Variants in ADAM12 observed in about 807,000 individuals in gnomAD.
ADAM12 encodes ADAM metallopeptidase domain 12, also known as disintegrin and metalloproteinase domain-containing protein 12.
ADAM12 carries 70 observed loss-of-function variants against 106.4 expected under a neutral mutation model. The observed-to-expected ratio is 0.66, with a 90% CI of 0.54 to 0.80. ADAM12 has a LOEUF of 0.80. Among genes scored for constraint, ADAM12 ranks in the 30% least tolerant of loss-of-function variants. The pLI, the probability that ADAM12 is intolerant of heterozygous loss-of-function variation, is 0.00. For synonymous variants in ADAM12, 420 were observed against 433.5 expected (o/e 0.97, Z 0.39); for missense variants, 1,010 against 1,171.9 (o/e 0.86, Z 2.02).
At chr10:126,254,103 C>CAGCT (rs1958841291) in intron 3 of ADAM12, among the ~76,000 whole-genome samples, 1 of 152,208 alleles carries the variant, frequency 6.6e-6, no homozygotes, top group African/African-American at 2.4e-5. Flanking sequence ...TCCATCTTCC[C>CAGCT]AGCTCATCCC....
intron 3 of ADAM12, among the ~76,000 whole-genome samples, chr10:126,168,276 A>T (rs5024597): frequency 0.099 from 14,986 of 152,120 alleles, 2,118 homozygotes; most frequent in African/African-American, 0.31. Flanking sequence ...AGAAGACCAA[A>T]CTACCTTCAA....
At chr10:126,163,937 T>C (rs1956980636) in intron 3 of ADAM12, among the ~76,000 whole-genome samples, 1 of 152,228 alleles carries the variant, frequency 6.6e-6, no homozygotes, top group Non-Finnish European at 1.5e-5. Flanking sequence ...GTTGGATCAA[T>C]TAAAAATAAA....
At chr10:126,283,372 CAT>C (rs1207027324) in intron 2 of ADAM12, among the ~76,000 whole-genome samples, 1 of 152,164 alleles carries the variant, frequency 6.6e-6, no homozygotes, top group African/African-American at 2.4e-5. Context: ...GTAGTTTGCA[CAT>C]GTTTGACTCT....
At chr10:126,355,136 T>C (rs996885006) in intron 1 of ADAM12, among the ~76,000 whole-genome samples, 8 of 152,230 alleles carry the variant, frequency 5.3e-5, no homozygotes, top group African/African-American at 1.9e-4. Context: ...TAACTGCTTT[T>C]ATTATCAAGA....
intron 11 of ADAM12, among the ~76,000 whole-genome samples, chr10:126,078,337 C>T (rs7914844): frequency 0.17 from 25,217 of 152,054 alleles, 2,686 homozygotes; most frequent in South Asian, 0.27. Flanking sequence ...AACCTGGTCC[C>T]ATGCCCCCCT....
chr10:126,255,931 C>T (rs995413192), intron 3 of ADAM12, among the ~76,000 whole-genome samples: 10 of 152,148 alleles, frequency 6.6e-5, no homozygotes, highest in African/African-American at 2.4e-4. Flanking sequence ...GCATCAGGAA[C>T]GGTGCAGGGA....
intron 2 of ADAM12, among the ~76,000 whole-genome samples, chr10:126,296,907 C>T (rs1960407728): frequency 6.6e-6 from 1 of 152,186 alleles, no homozygotes; most frequent in African/African-American, 2.4e-5. Flanking sequence ...CAGTTCCAAC[C>T]TGTTGAGGAC....
At chr10:126,348,459 G>A (rs1473189563) in intron 1 of ADAM12, among the ~76,000 whole-genome samples, 5 of 152,086 alleles carry the variant, frequency 3.3e-5, no homozygotes, top group South Asian at 2.1e-4. Flanking sequence ...ATGCCTTTCC[G>A]AGTTATGCCC....
intron 3 of ADAM12, among the ~76,000 whole-genome samples, chr10:126,221,570 T>C (rs1051199000): frequency 2.6e-5 from 4 of 152,182 alleles, no homozygotes; most frequent in East Asian, 1.9e-4. Context: ...TATTATAACA[T>C]GTGGACAAGG....
rs140761423 is a variant in ADAM12, at chr10:126,047,190, G to GA, written c.1918-1059dup. Among the ~76,000 whole-genome samples, 631 of 152,264 alleles carry GA rather than the reference G, an allele frequency of 4.1e-3. 3 individuals are homozygous for GA. The highest frequency in any genetic ancestry group is 0.015 in the African/African-American group (603 of 41,558). On this transcript the variant is annotated intron_variant, in intron 16 of 22. Coordinates refer to ENST00000448723, the MANE Select transcript of ADAM12 (RefSeq NM_001288973.2). ...ATTTTACAAATCCGTGGAGTCAAAG[G>GA]AAAAAGAGTCTAACGTTCAAATGGC... is the stretch of plus-strand genomic sequence containing the variant.
At chr10:126,202,596 C>T (rs1194214725) in intron 3 of ADAM12, among the ~76,000 whole-genome samples, 1 of 152,122 alleles carries the variant, frequency 6.6e-6, no homozygotes, top group Non-Finnish European at 1.5e-5. Context: ...TTTTTAAAAA[C>T]TTTCTCTCAA....
intron 2 of ADAM12, among the ~76,000 whole-genome samples, chr10:126,285,781 T>C (rs1185300156): frequency 3.9e-5 from 6 of 152,248 alleles, no homozygotes; most frequent in Non-Finnish European, 7.4e-5. Flanking sequence ...CCCCTTGAGA[T>C]GGCAAGCCCA....
At chr10:126,332,772 T>C (rs1028087295) in intron 1 of ADAM12, among the ~76,000 whole-genome samples, 1 of 151,978 alleles carries the variant, frequency 6.6e-6, no homozygotes. Context: ...TCACATGATG[T>C]GTGAGGGACG....
At chr10:126,264,251 G>T (rs758928909) in intron 3 of ADAM12, among the ~76,000 whole-genome samples, 1 of 152,202 alleles carries the variant, frequency 6.6e-6, no homozygotes, top group African/African-American at 2.4e-5. Context: ...GACACAGCAC[G>T]AGAGGCTTCT....
rs148189912 is a variant in ADAM12, at chr10:126,036,291, A to G, written c.2384T>C (p.Val795Ala). 3.8e-6 allele frequency: 6 copies of G among 1,563,674 alleles called. No homozygotes were observed. Among genetic ancestry groups the G allele is most frequent in the South Asian group, 1.2e-5 (1 of 82,362 alleles). Residue 795 changes from valine (V) to alanine (A), a missense_variant, in exon 21 of 23, where the codon GTT becomes GCT. By Grantham distance (64) the Val-to-Ala change is moderately conservative. Transcript: ENST00000448723. ...NPRRLLQCQNVDISRPLNGLN... is the reference protein window; with the variant it reads ...NPRRLLQCQNADISRPLNGLN... Reference sequence around the variant, plus strand: ...GCCGTTGAGGGGTCTGCTGATGTCAACATTCTGACACTGCAGCAATCTCCT... The same window carrying G: ...GCCGTTGAGGGGTCTGCTGATGTCAGCATTCTGACACTGCAGCAATCTCCT...
chr10:126,192,535 A>G (rs1957522825), intron 3 of ADAM12, among the ~76,000 whole-genome samples: 1 of 152,226 alleles, frequency 6.6e-6, no homozygotes, highest in Non-Finnish European at 1.5e-5. Flanking sequence ...ATTACACAGA[A>G]AGAAGAATAA....
intron 1 of ADAM12, among the ~76,000 whole-genome samples, chr10:126,362,929 A>T (rs543098333): frequency 6.6e-6 from 1 of 152,348 alleles, no homozygotes; most frequent in South Asian, 2.1e-4. Flanking sequence ...TCTTGAAGGA[A>T]ATAAACTGCA....
chr10:126,340,400 C>A (rs1332326122), intron 1 of ADAM12, among the ~76,000 whole-genome samples: 2 of 152,216 alleles, frequency 1.3e-5, no homozygotes, highest in African/African-American at 2.4e-5. Flanking sequence ...AACCCAACAA[C>A]AACCCTGTGA....
chr10:126,144,615 A>AT (rs1214458029), intron 4 of ADAM12, among the ~76,000 whole-genome samples: 2 of 152,124 alleles, frequency 1.3e-5, no homozygotes, highest in Non-Finnish European at 2.9e-5. Context: ...GAAAATGCAC[A>AT]CGGGGGGGTT....
Sources: gnomAD v4.1 joint callset for allele counts (sites outside exome capture counted in the v4.1 genomes callset) on GRCh38, gnomAD v4.1.1 for gene constraint, MANE v1.5 for transcripts, NCBI Gene and HGNC (gene_info 2026-07-23, HGNC 2026-07-21) for gene names.